Variants in CADM2 observed in about 807,000 individuals in gnomAD.
The protein encoded by CADM2 is cell adhesion molecule 2, also known as immunoglobulin superfamily member 4D.
In CADM2, 12 loss-of-function variants were observed where a neutral mutation model predicts 49.8. The ratio of observed to expected loss-of-function variants is 0.24; its 90% CI spans 0.15 to 0.39. The LOEUF is 0.39. CADM2 is among the 10% of genes least tolerant of loss of function. The pLI is 1.00. For synonymous variants in CADM2, 214 were observed against 175.4 expected (o/e 1.22, Z -1.74); for missense variants, 378 against 492.3 (o/e 0.77, Z 2.20).
intron 8 of CADM2, among the ~76,000 whole-genome samples, chr3:86,044,856 A>G (rs1476252286): frequency 1.3e-5 from 2 of 152,210 alleles, no homozygotes; most frequent in African/African-American, 2.4e-5. Flanking sequence ...TGTCACATAT[A>G]CACCATGAAA....
At chr3:85,566,217 C>T (rs2062249822) in intron 1 of CADM2, among the ~76,000 whole-genome samples, 1 of 152,060 alleles carries the variant, frequency 6.6e-6, no homozygotes, top group African/African-American at 2.4e-5. Context: ...TCTTATCTCT[C>T]CTACTTGCAT....
At chr3:85,543,427 T>TGGGGGTGTGTGTGGGTGTGG (rs1553739554) in intron 1 of CADM2, among the ~76,000 whole-genome samples, 1 of 53,316 alleles carries the variant, frequency 1.9e-5, no homozygotes, top group African/African-American at 3.5e-5. Flanking sequence ...CTAATGTGTG[T>TGGGGGTGTGTGTGGGTGTGG]GTGTGTGTGT....
chr3:85,105,464 G>A (rs955878132), intron 1 of CADM2, among the ~76,000 whole-genome samples: 3 of 152,198 alleles, frequency 2.0e-5, no homozygotes, highest in South Asian at 2.1e-4. Flanking sequence ...TGGAGAGGAT[G>A]TGGAGAAACA....
intron 1 of CADM2, among the ~76,000 whole-genome samples, chr3:85,065,812 C>T (rs1263752705): frequency 6.6e-6 from 1 of 152,080 alleles, no homozygotes; most frequent in Non-Finnish European, 1.5e-5. Context: ...CAGACTCAGA[C>T]ATAGAACTGT....
chr3:85,056,228 G>A (rs2036074351), intron 1 of CADM2, among the ~76,000 whole-genome samples: 1 of 152,060 alleles, frequency 6.6e-6, no homozygotes, highest in African/African-American at 2.4e-5. Flanking sequence ...TTAAAGAAAT[G>A]CAGTACTAAT....
intron 1 of CADM2, among the ~76,000 whole-genome samples, chr3:85,032,738 T>A (rs2035040710): frequency 6.6e-6 from 1 of 152,152 alleles, no homozygotes; most frequent in African/African-American, 2.4e-5. Context: ...AATAGTTTTT[T>A]TTCAAATGAC....
At chr3:85,141,760 C>T (rs2039584790) in intron 1 of CADM2, among the ~76,000 whole-genome samples, 1 of 152,140 alleles carries the variant, frequency 6.6e-6, no homozygotes, top group African/African-American at 2.4e-5. Flanking sequence ...ACTTCAGTCT[C>T]CTATTTGGGG....
At chr3:86,043,748 G>A (rs561472785) in intron 8 of CADM2, among the ~76,000 whole-genome samples, 3 of 152,218 alleles carry the variant, frequency 2.0e-5, no homozygotes, top group South Asian at 4.2e-4. Context: ...AGACCACCTT[G>A]CCAAGTCAAT....
intron 8 of CADM2, among the ~76,000 whole-genome samples, chr3:85,981,825 G>A (rs747905179): frequency 5.9e-5 from 9 of 151,602 alleles, no homozygotes; most frequent in Admixed American, 1.3e-4. Flanking sequence ...ATATGTGTGC[G>A]TGTGTCTTTA....
rs981440754 is a variant in CADM2 at position 85,244,110 on chromosome 3, C to T, written c.61+284442C>T. On this transcript the variant is annotated intron_variant, in intron 1 of 9. Transcript: ENST00000383699. ...TTTTATGTTGATAAGAAAAAACTCGCCTACCCTAAATTTGGATTTTATTTT... is the reference window on the plus strand; with the variant it reads ...TTTTATGTTGATAAGAAAAAACTCGTCTACCCTAAATTTGGATTTTATTTT... 3.3e-5 allele frequency among the ~76,000 whole-genome samples: 5 copies of T among 152,122 alleles called. No homozygotes were observed. The East Asian group carries it at 7.7e-4, about 24-fold the overall frequency.
chr3:85,799,988 C>G (rs754489725), intron 2 of CADM2: 1 of 152,272 alleles, frequency 6.6e-6, no homozygotes, highest in Non-Finnish European at 1.5e-5. Flanking sequence ...CACCCACAGC[C>G]GTCCCTTTCC....
chr3:85,394,580 A>T (rs1227849567), intron 1 of CADM2, among the ~76,000 whole-genome samples: 1 of 152,164 alleles, frequency 6.6e-6, no homozygotes, highest in Non-Finnish European at 1.5e-5. Flanking sequence ...AAAAGCTTTC[A>T]GTTGTGACTC....
chr3:85,973,606 A>C (rs1456100313), intron 8 of CADM2, among the ~76,000 whole-genome samples: 3 of 151,764 alleles, frequency 2.0e-5, no homozygotes, highest in Non-Finnish European at 4.4e-5. Context: ...AGTGTACTGC[A>C]TACTTTATTA....
chr3:85,345,015 T>G (rs1433214795), intron 1 of CADM2, among the ~76,000 whole-genome samples: 1 of 152,082 alleles, frequency 6.6e-6, no homozygotes, highest in African/African-American at 2.4e-5. Context: ...TCAAGCATGA[T>G]GTAATTTGTC....
rs961853502 is a variant in CADM2 at position 85,790,425 on chromosome 3, T to C, written c.89-11622T>C. On this transcript the variant is annotated intron_variant, in intron 2 of 9. Transcript: ENST00000383699. ...TCCAGGGGTTATCCCATAAGTTCCCTGGTCTGCTATGAGCAGCCTAGAAAA... is the reference window on the plus strand; with the variant it reads ...TCCAGGGGTTATCCCATAAGTTCCCCGGTCTGCTATGAGCAGCCTAGAAAA... 2.6e-5 allele frequency among the ~76,000 whole-genome samples: 4 copies of C among 152,238 alleles called. No homozygotes were observed. The South Asian group carries it at 6.2e-4, about 24-fold the overall frequency.
At chr3:85,615,001 A>T (rs975070188) in intron 1 of CADM2, among the ~76,000 whole-genome samples, 3 of 152,022 alleles carry the variant, frequency 2.0e-5, no homozygotes, top group African/African-American at 7.2e-5. Flanking sequence ...AGCTAAATGA[A>T]GTGTGTAGCA....
chr3:85,334,440 A>G (rs1455693120), intron 1 of CADM2, among the ~76,000 whole-genome samples: 1 of 151,622 alleles, frequency 6.6e-6, no homozygotes, highest in Non-Finnish European at 1.5e-5. Flanking sequence ...GGGGAAAGGC[A>G]CAATAAGAAT....
At chr3:85,820,564 T>C (rs767606029) in intron 3 of CADM2, among the ~76,000 whole-genome samples, 3 of 152,188 alleles carry the variant, frequency 2.0e-5, no homozygotes, top group Non-Finnish European at 2.9e-5. Context: ...GATGATTTCA[T>C]GGCTTTTGAC....
intron 3 of CADM2, among the ~76,000 whole-genome samples, chr3:85,859,342 T>C (rs1279744687): frequency 6.8e-6 from 1 of 146,438 alleles, no homozygotes; most frequent in African/African-American, 2.5e-5. Flanking sequence ...GCGATTCTCC[T>C]GCCTCAGCCT....
Sources: allele counts gnomAD v4.1 joint callset (sites outside exome capture counted in the v4.1 genomes callset), GRCh38; gene constraint gnomAD v4.1.1; transcripts MANE v1.5; gene names NCBI Gene and HGNC (gene_info 2026-07-23, HGNC 2026-07-21).